Variants in TGS1 observed in about 807,000 individuals in gnomAD.
The protein encoded by TGS1 is trimethylguanosine synthase 1.
Under a neutral mutation model 92.2 loss-of-function variants are expected in TGS1, and 69 were observed. The ratio of observed to expected loss-of-function variants is 0.75; its 90% confidence interval spans 0.62 to 0.91. TGS1 has a LOEUF of 0.91. Ranked by LOEUF, TGS1 falls within the 40% of genes least tolerant of loss-of-function variation. TGS1 has a pLI of 0.00. For missense variants in TGS1, 1,062 were observed against 1,001.2 expected (o/e 1.06, Z -0.82); for synonymous variants, 345 against 338.1 (o/e 1.02, Z -0.22).
rs189849990 is a variant in TGS1 at position 55,774,771 on chromosome 8, A to C, written c.101+1052A>C. On this transcript the variant is annotated intron_variant, in intron 1 of 12. Transcript: ENST00000260129. ...ATAGTTATAAGTGCTATGAGAGAGAAGTGCAGGATGCTGTGAAAACAAATA... is the reference window on the plus strand; with the variant it reads ...ATAGTTATAAGTGCTATGAGAGAGACGTGCAGGATGCTGTGAAAACAAATA... 7.9e-4 allele frequency among the ~76,000 whole-genome samples: 121 copies of C among 152,354 alleles called. 1 individual carries two copies. In the Middle Eastern group the frequency reaches 0.017, roughly 21 times the overall value.
At position 55,824,810 on chromosome 8, in the gene TGS1, T is replaced by C; in HGVS notation, c.*107T>C. 2.3e-6 allele frequency: 3 copies of C among 1,303,130 alleles called. No individual in the cohort carries two copies. Among genetic ancestry groups the C allele is most frequent in the East Asian group, 2.5e-5 (1 of 40,816 alleles). 80.7% of individuals were successfully genotyped at this position (1,303,130 alleles called of 1,614,324 possible). A position where few individuals can be genotyped will look rare whatever the true frequency, so the allele number is the denominator to read the frequency against. On this transcript the variant is annotated 3_prime_UTR_variant, in exon 13 of 13. Transcript: ENST00000260129. ...CTGATATTTTCTACCCATGGTCTTA[T>C]ATCACCGTATGAAATGGAAACTTAC...
At chr8:55,817,679 T>G (rs1335238858) in intron 12 of TGS1, among the ~76,000 whole-genome samples, 2 of 152,190 alleles carry the variant, frequency 1.3e-5, no homozygotes, top group Non-Finnish European at 2.9e-5. Flanking sequence ...AATCTAATGG[T>G]AGCTCTCTCG....
chr8:55,790,381 T>G lies in TGS1; in HGVS notation c.1280+82T>G, dbSNP rs914961735. 1.0e-5 allele frequency: 9 copies of G among 883,438 alleles called. No individual in the cohort carries two copies. The African/African-American group carries it at 1.5e-4, about 15-fold the overall frequency. The allele number at this position is 883,438 out of a possible 1,614,324, so 54.7% of individuals were successfully genotyped here. Reference sequence around the variant, plus strand: ...TAAGCCAGTGGTTATTAAATGATTGTTATGTTCACAACACCAGTAATCATG... The same window carrying G: ...TAAGCCAGTGGTTATTAAATGATTGGTATGTTCACAACACCAGTAATCATG... On this transcript the variant is annotated intron_variant, in intron 5 of 12. Transcript: ENST00000260129.
chr8:55,805,158 TATAAA>T lies in TGS1; in HGVS notation c.2143+127_2143+131del, dbSNP rs113942233. ...TAATTAATAATTTAATATGAAATGA[TATAAA>T]ATAATAGCTAGCATATATTAAGCAT... is the stretch of plus-strand genomic sequence containing the variant. On this transcript the variant is annotated intron_variant, in intron 10 of 12. Transcript: ENST00000260129. 1.8e-3 allele frequency: 1,206 copies of T among 662,154 alleles called. 8 individuals are homozygous for T. The African/African-American group carries it at 0.02, about 11-fold the overall frequency. The allele number at this position is 662,154 out of a possible 1,614,324, so 41.0% of individuals were successfully genotyped here.
chr8:55,792,588 A>G (rs1420278622), intron 5 of TGS1, 110 bp from the exon 6 acceptor site: 7 of 657,474 alleles, frequency 1.1e-5, no homozygotes, highest in African/African-American at 3.6e-5. Context: ...ATGGTTGACT[A>G]TGGTGTTGGG....
chr8:55,776,950 T>G lies in TGS1; in HGVS notation c.101+3231T>G, dbSNP rs79065609. Among the ~76,000 whole-genome samples the G allele has an allele frequency of 1.2e-3, 181 of 151,096 alleles. 1 individual carries two copies. Among genetic ancestry groups the G allele is most frequent in the African/African-American group, 4.1e-3 (171 of 41,228 alleles). On this transcript the variant is annotated intron_variant, in intron 1 of 12. Coordinates refer to ENST00000260129, the MANE Select transcript of TGS1 (RefSeq NM_024831.8). ...GTCCATTAGTTTTTTTGTTTGTTGGTTTTTTTTTGGTGGTGGCGGGGTGGT... is the reference window on the plus strand; with the variant it reads ...GTCCATTAGTTTTTTTGTTTGTTGGGTTTTTTTTGGTGGTGGCGGGGTGGT...
At chr8:55,804,836 T>C in intron 9 of TGS1, 57 bp from the exon 10 acceptor site, 2 of 1,522,446 alleles carry the variant, frequency 1.3e-6, no homozygotes, top group Non-Finnish European at 1.8e-6. Flanking sequence ...GCTATGTTTA[T>C]GCTTGCCTTG....
At chr8:55,789,022 A>G (rs547408798) in intron 4 of TGS1, among the ~76,000 whole-genome samples, 10 of 152,226 alleles carry the variant, frequency 6.6e-5, no homozygotes, top group East Asian at 3.9e-4. Context: ...CATTTCTGTA[A>G]TAACTCCAGT....
chr8:55,777,240 TACAA>T (rs1295985495), intron 1 of TGS1, among the ~76,000 whole-genome samples: 1 of 151,572 alleles, frequency 6.6e-6, no homozygotes, highest in Admixed American at 6.6e-5. Context: ...AATGCCTGGG[TACAA>T]ACAGTTTTCC....
chr8:55,808,986 A>C (rs572777294), intron 10 of TGS1, among the ~76,000 whole-genome samples: 2 of 152,356 alleles, frequency 1.3e-5, no homozygotes, highest in African/African-American at 4.8e-5. Context: ...TTGTGTATAC[A>C]TATGTAAGTA....
intron 9 of TGS1, among the ~76,000 whole-genome samples, chr8:55,803,075 A>AT (rs1256892043): frequency 4.6e-5 from 7 of 150,942 alleles, no homozygotes; most frequent in Admixed American, 2.6e-4. Context: ...CATGACTGAC[A>AT]TTTTTCAAAG....
intron 12 of TGS1, among the ~76,000 whole-genome samples, chr8:55,822,308 G>A (rs190561326): frequency 4.7e-4 from 72 of 152,112 alleles, no homozygotes; most frequent in African/African-American, 1.7e-3. Flanking sequence ...CTGACCTCGT[G>A]ATCCACCCTC....
At chr8:55,818,190 T>G (rs1451281941) in intron 12 of TGS1, among the ~76,000 whole-genome samples, 1 of 152,104 alleles carries the variant, frequency 6.6e-6, no homozygotes, top group Non-Finnish European at 1.5e-5. Flanking sequence ...TTTCAGTAAC[T>G]GGTTACCAAT....
At chr8:55,799,758 G>A (rs536354386) in intron 8 of TGS1, among the ~76,000 whole-genome samples, 2 of 151,982 alleles carry the variant, frequency 1.3e-5, no homozygotes. Context: ...AATTTTTTTT[G>A]TAGAGACACA....
intron 10 of TGS1, among the ~76,000 whole-genome samples, chr8:55,809,588 C>T (rs1803285311): frequency 6.6e-6 from 1 of 152,112 alleles, no homozygotes; most frequent in Non-Finnish European, 1.5e-5. Flanking sequence ...TCCTGAGTAG[C>T]TGGGACTGCT....
intron 10 of TGS1, among the ~76,000 whole-genome samples, chr8:55,805,774 C>T (rs1330496242): frequency 6.7e-6 from 1 of 150,132 alleles, no homozygotes; most frequent in Non-Finnish European, 1.5e-5. Flanking sequence ...ATCCCAGCTA[C>T]AGGAGGCTGA....
At chr8:55,788,917 C>G (rs1409987401) in intron 4 of TGS1, among the ~76,000 whole-genome samples, 1 of 152,196 alleles carries the variant, frequency 6.6e-6, no homozygotes, top group Non-Finnish European at 1.5e-5. Context: ...TGGTTCTCCT[C>G]CCTCATCTGC....
chr8:55,805,209 G>A (rs898077361), intron 10 of TGS1, among the ~76,000 whole-genome samples, 173 bp downstream of exon 10: 6 of 152,018 alleles, frequency 3.9e-5, no homozygotes, highest in African/African-American at 1.5e-4. Flanking sequence ...TTGCATACTG[G>A]TGTAAATGCT....
rs962475257 is a variant in TGS1 at position 55,825,909 on chromosome 8, G to A, written c.*1206G>A. The stretch of plus-strand genomic sequence containing the variant: ...TTTTTAGACAGAGTCTTGCTCTGTC[G>A]CCCAGGCTGGAGTGCAATGGCGTGA... On this transcript the variant is annotated 3_prime_UTR_variant, in exon 13 of 13. Coordinates refer to ENST00000260129, the MANE Select transcript of TGS1 (RefSeq NM_024831.8). Among the ~76,000 whole-genome samples, 1 of 148,584 alleles carries A rather than the reference G, an allele frequency of 6.7e-6. No homozygotes were observed. The highest frequency in any genetic ancestry group is 6.8e-5 in the Admixed American group (1 of 14,806).
Sources: allele counts gnomAD v4.1 joint callset (sites outside exome capture counted in the v4.1 genomes callset), GRCh38; gene constraint gnomAD v4.1.1; transcripts MANE v1.5; gene names NCBI Gene and HGNC (gene_info 2026-07-23, HGNC 2026-07-21).